MAN2B2: variants seen among roughly 807,000 people sequenced by gnomAD.
The protein encoded by MAN2B2 is mannosidase alpha class 2B member 2.
A neutral mutation model predicts 117.1 loss-of-function variants in MAN2B2; 106 were observed. The ratio of observed to expected loss-of-function variants is 0.90; its 90% CI spans 0.77 to 1.06. MAN2B2 has a LOEUF of 1.06. Among genes scored for constraint, MAN2B2 ranks in the 50% least tolerant of loss-of-function variants. The probability of loss-of-function intolerance (pLI) is 0.00; values close to 1 mark genes in which losing one functional copy is unlikely to be tolerated. For missense variants in MAN2B2, 1,326 were observed against 1,381.4 expected (o/e 0.96, Z 0.64); for synonymous variants, 544 against 595.1 (o/e 0.91, Z 1.25).
chr4:6,593,502 G>T, intron 6 of MAN2B2, 152 bp downstream of exon 6: 1 of 754,818 alleles, frequency 1.3e-6, no homozygotes. Flanking sequence ...CAGACCCCTG[G>T]GCCTCTCCCA....
chr4:6,590,198 C>G (rs751857651), intron 5 of MAN2B2, among the ~76,000 whole-genome samples: 14 of 152,030 alleles, frequency 9.2e-5, no homozygotes, highest in Non-Finnish European at 1.8e-4. Flanking sequence ...ATGGCAAAAC[C>G]CCGTCTCTAC....
At position 6,587,750 on chromosome 4, in the gene MAN2B2, G is replaced by GTTTTTTTTT. The variant is rs201846526; in HGVS notation, c.564+596_564+604dup. 3.8e-4 allele frequency among the ~76,000 whole-genome samples: 43 copies of GTTTTTTTTT among 113,458 alleles called. 2 individuals carry two copies. Among genetic ancestry groups the GTTTTTTTTT allele is most frequent in the African/African-American group, 1.4e-3 (37 of 26,380 alleles). The allele number at this position is 113,458 out of a possible 152,430, so 74.4% of individuals were successfully genotyped here. A position where few individuals can be genotyped will look rare whatever the true frequency, so the allele number is the denominator to read the frequency against. ...GTTTTTTGGGGTCTTTTGGGTTGTT[G>GTTTTTTTTT]TTTTTTTTTTTTTTTTTTTTTTGAG... On this transcript the variant is annotated intron_variant, in intron 4 of 18. Coordinates refer to ENST00000285599, the MANE Select transcript of MAN2B2 (RefSeq NM_015274.3).
intron 6 of MAN2B2, 71 bp from the exon 7 acceptor site, chr4:6,594,461 AGC>A: frequency 6.8e-7 from 1 of 1,461,164 alleles, no homozygotes; most frequent in South Asian, 1.2e-5. Flanking sequence ...GGTGGAGGGC[AGC>A]GATCGGCCCA....
intron 11 of MAN2B2, among the ~76,000 whole-genome samples, chr4:6,607,491 C>T (rs1162901503): frequency 1.3e-5 from 2 of 152,212 alleles, no homozygotes; most frequent in Non-Finnish European, 2.9e-5. Context: ...AGGCTTGAGC[C>T]ACCATGCCCA....
At chr4:6,614,707 C>T (rs1369516613) in intron 16 of MAN2B2, among the ~76,000 whole-genome samples, 10 of 152,212 alleles carry the variant, frequency 6.6e-5, no homozygotes, top group East Asian at 1.9e-4. Flanking sequence ...CCTGGAGCCC[C>T]CAAACACCCA....
intron 13 of MAN2B2, 108 bp downstream of exon 13, chr4:6,610,158 T>G: frequency 1.4e-6 from 2 of 1,434,036 alleles, no homozygotes; most frequent in South Asian, 1.4e-5. Flanking sequence ...AGTGAGAATG[T>G]TTTTTTCCTT....
chr4:6,594,827 C>A, intron 7 of MAN2B2, 95 bp downstream of exon 7: 1 of 1,282,720 alleles, frequency 7.8e-7, no homozygotes, highest in Non-Finnish European at 1.1e-6. Flanking sequence ...CGGCACTGCT[C>A]TCCAAGCCCT....
intron 13 of MAN2B2, among the ~76,000 whole-genome samples, chr4:6,610,352 T>C (rs1435449956): frequency 6.6e-6 from 1 of 152,164 alleles, no homozygotes; most frequent in Non-Finnish European, 1.5e-5. Context: ...AGATGGGGTT[T>C]CACAATGATG....
chr4:6,588,364 C>A (rs556275512), intron 4 of MAN2B2, among the ~76,000 whole-genome samples: 4 of 152,308 alleles, frequency 2.6e-5, no homozygotes, highest in African/African-American at 9.6e-5. Context: ...TTTCTGAGGA[C>A]ACCCATCCTA....
At chr4:6,576,372 G>A (rs369856244) in intron 1 of MAN2B2, among the ~76,000 whole-genome samples, 75 of 152,240 alleles carry the variant, frequency 4.9e-4, no homozygotes, top group Admixed American at 2.2e-3. Flanking sequence ...CTGTTTCCCC[G>A]TCCCTCTCCC....
chr4:6,598,261 C>T lies in MAN2B2; in HGVS notation c.1312C>T (p.His438Tyr). The T allele has an allele frequency of 6.2e-7, 1 of 1,613,758 alleles. No homozygotes were observed. Among genetic ancestry groups the T allele is most frequent in the Non-Finnish European group, 8.5e-7 (1 of 1,180,040 alleles). The change falls in exon 9 of 19, where the codon CAC becomes TAC. Residue 438 changes from histidine to tyrosine, a missense_variant. Transcript: ENST00000285599. The part of the protein sequence containing the change: ...SPKVRDMYAT[H>Y]LASGMLGMRK... Reference sequence around the variant, plus strand: ...CAAGGTGAGAGACATGTACGCAACGCACCTGGCCTCGGGGATGCTGGGCAT... The same window carrying T: ...CAAGGTGAGAGACATGTACGCAACGTACCTGGCCTCGGGGATGCTGGGCAT...
intron 18 of MAN2B2, chr4:6,620,302 T>A (rs6840456): frequency 0.014 from 5,244 of 372,698 alleles, 258 homozygotes; most frequent in African/African-American, 0.1. Context: ...CCACACGCCC[T>A]GCCTGTGCCC....
chr4:6,605,225 G>T lies in MAN2B2; in HGVS notation c.1710G>T (p.Arg570Ser). 1 of 1,614,242 alleles carries T rather than the reference G, an allele frequency of 6.2e-7. No homozygotes were observed. Among genetic ancestry groups the T allele is most frequent in the Non-Finnish European group, 8.5e-7 (1 of 1,180,036 alleles). ...ASTLQFGRRL[R>S]RRTSHAGRYL... ...CCCTTCAATTTGGCCGCAGGCTGAG[G>T]AGACGCACCAGCCATGCGGGCAGGT... The change falls in exon 11 of 19, where the codon AGG becomes AGT. Residue 570 changes from arginine (R) to serine (S), a missense_variant. Coordinates refer to ENST00000285599, the MANE Select transcript of MAN2B2 (RefSeq NM_015274.3).
chr4:6,609,231 T>C lies in MAN2B2; in HGVS notation c.1939T>C (p.Trp647Arg), dbSNP rs1312961166. 6.2e-7 allele frequency: 1 copy of C among 1,614,212 alleles called. No homozygotes were observed. Among genetic ancestry groups the C allele is most frequent in the South Asian group, 1.1e-5 (1 of 91,086 alleles). ...FTPGKAAVPA[W>R]EAVEMEIVAG... Reference sequence around the variant, plus strand: ...ACCGGGCAAGGCCGCGGTGCCTGCGTGGGAAGCTGTGGAAATGGAGATTGT... The same window carrying C: ...ACCGGGCAAGGCCGCGGTGCCTGCGCGGGAAGCTGTGGAAATGGAGATTGT... The change falls in exon 12 of 19, where the codon TGG (tryptophan) becomes CGG (arginine). Residue 647 changes from tryptophan to arginine, a missense_variant. Physicochemically the swap from Trp to Arg is moderately radical, Grantham distance 101. Transcript: ENST00000285599.
rs368838680 is a variant in MAN2B2, at chr4:6,610,843, G to T, written c.2260-37G>T. 14 of 1,593,100 alleles carry T rather than the reference G, an allele frequency of 8.8e-6. No homozygotes were observed. The African/African-American group carries it at 1.7e-4, about 20-fold the overall frequency. On this transcript the variant is annotated intron_variant, in intron 13 of 18. Transcript: ENST00000285599. ...TGATGCCTGACCTACCTTGCCCTTTGCCCCAATCGCCCACCTGGCGATGTT... is the reference window on the plus strand; with the variant it reads ...TGATGCCTGACCTACCTTGCCCTTTTCCCCAATCGCCCACCTGGCGATGTT...
intron 3 of MAN2B2, among the ~76,000 whole-genome samples, chr4:6,579,985 G>A (rs1469456606): frequency 1.3e-5 from 2 of 152,232 alleles, no homozygotes; most frequent in East Asian, 3.8e-4. Context: ...CTTGAGTCCA[G>A]GCCTAGGGAC....
rs373466139 is a variant in MAN2B2 at position 6,613,810 on chromosome 4, GAGGA to G, written c.2564-390_2564-387del. 9.6e-4 allele frequency among the ~76,000 whole-genome samples: 127 copies of G among 132,080 alleles called. 1 individual carries two copies. Among genetic ancestry groups the G allele is most frequent in the African/African-American group, 2.8e-3 (91 of 32,774 alleles). 86.6% of individuals were successfully genotyped at this position (132,080 alleles called of 152,430 possible). ...AAAGAAGGAAGAAAGGAAGAGGGAGGAGGAAGGAAGGAAGGAAGGAAAAAAGAGG... is the reference window on the plus strand; with the variant it reads ...AAAGAAGGAAGAAAGGAAGAGGGAGGAGGAAGGAAGGAAGGAAAAAAGAGG... On this transcript the variant is annotated intron_variant, in intron 15 of 18. Coordinates refer to ENST00000285599, the MANE Select transcript of MAN2B2 (RefSeq NM_015274.3).
Position 6,610,783 on chromosome 4 carries a change from G to A in MAN2B2, c.2260-97G>A, listed in dbSNP as rs562284693. 44 of 983,410 alleles carry A rather than the reference G, an allele frequency of 4.5e-5. No homozygotes were observed. In the African/African-American group the frequency reaches 5.5e-4, roughly 12 times the overall value. 60.9% of individuals were successfully genotyped at this position (983,410 alleles called of 1,614,324 possible). On this transcript the variant is annotated intron_variant, in intron 13 of 18. Transcript: ENST00000285599. ...GGTCCCAGCCCCATGCTGCTGCTGT[G>A]CCTATGGGGAGCACCAGCTGGGGTG...
intron 3 of MAN2B2, among the ~76,000 whole-genome samples, chr4:6,585,884 G>A (rs1403800595): frequency 6.6e-6 from 1 of 152,168 alleles, no homozygotes; most frequent in Admixed American, 6.5e-5. Flanking sequence ...GCAGGCAAGG[G>A]CAGCCACAGT....
Sources: gnomAD v4.1 joint callset for allele counts (sites outside exome capture counted in the v4.1 genomes callset) on GRCh38, gnomAD v4.1.1 for gene constraint, MANE v1.5 for transcripts, NCBI Gene and HGNC (gene_info 2026-07-23, HGNC 2026-07-21) for gene names.